CRLF3: variants seen among roughly 807,000 people sequenced by gnomAD.
The protein encoded by CRLF3 is cytokine receptor like factor 3.
In CRLF3, 33 loss-of-function variants were observed where a neutral mutation model predicts 55.0. The observed-to-expected ratio is 0.60, with a 90% CI of 0.46 to 0.80. CRLF3 has a LOEUF of 0.80. Ranked by LOEUF, CRLF3 falls within the 30% of genes least tolerant of loss-of-function variation. CRLF3 has a pLI of 0.00. For missense variants in CRLF3, 494 were observed against 538.4 expected (o/e 0.92, Z 0.82); for synonymous variants, 238 against 196.8 (o/e 1.21, Z -1.75).
At position 30,792,563 on chromosome 17, in the gene CRLF3, G is replaced by A. The variant is rs546555105; in HGVS notation, c.836C>T (p.Ala279Val). The part of the protein sequence containing the change: ...HSTLVPHEWT[A>V]GFEGYSLSSR... ...GCTCAGACTGTACCCCTCAAAACCA[G>A]CTGTCCACTCTTTTTCAAAGCAAAG... is the stretch of plus-strand genomic sequence containing the variant. Residue 279 changes from alanine (A) to valine (V), a missense_variant, in exon 6 of 8, where the codon GCT (alanine) becomes GTT (valine). Coordinates refer to ENST00000324238, the MANE Select transcript of CRLF3 (RefSeq NM_015986.4). 14 of 1,597,144 alleles carry A rather than the reference G, an allele frequency of 8.8e-6. No homozygotes were observed. The South Asian group carries it at 1.6e-4, about 18-fold the overall frequency.
At position 30,792,525 on chromosome 17, in the gene CRLF3, T is replaced by C. The variant is rs1396764048; in HGVS notation, c.874A>G (p.Ile292Val). The C allele has an allele frequency of 1.2e-6, 2 of 1,612,714 alleles. No homozygotes were observed. Among genetic ancestry groups the C allele is most frequent in the Non-Finnish European group, 1.7e-6 (2 of 1,178,870 alleles). Residue 292 changes from isoleucine to valine, a missense_variant, in exon 6 of 8, where the codon ATA (isoleucine) becomes GTA (valine). Physicochemically the swap from Ile to Val is conservative, Grantham distance 29. Coordinates refer to ENST00000324238, the MANE Select transcript of CRLF3 (RefSeq NM_015986.4). ...GATTCAGAATCGTTCCGAAGTGCTA[T>C]ATTTCTTCGACTGCTCAGACTGTAC... The part of the protein sequence containing the change: ...EGYSLSSRRN[I>V]ALRNDSESSG...
At chr17:30,811,430 G>C (rs1953684606) in intron 1 of CRLF3, among the ~76,000 whole-genome samples, 1 of 151,800 alleles carries the variant, frequency 6.6e-6, no homozygotes, top group Non-Finnish European at 1.5e-5. Flanking sequence ...CTCCAGCCCA[G>C]GTGAGAGAGC....
At chr17:30,797,940 ATT>A (rs561112215) in intron 2 of CRLF3, among the ~76,000 whole-genome samples, 14,312 of 124,510 alleles carry the variant, frequency 0.11, 599 homozygotes, top group South Asian at 0.23. Flanking sequence ...ATGCCCAGCT[ATT>A]TTTTTTTTTT....
At chr17:30,800,628 CTTGTTTTT>C (rs1335552550) in intron 2 of CRLF3, among the ~76,000 whole-genome samples, 2 of 151,328 alleles carry the variant, frequency 1.3e-5, no homozygotes. Flanking sequence ...AAAACTCTGT[CTTGTTTTT>C]TTGTTTTTAT....
At chr17:30,785,882 T>C (rs759992976) in intron 7 of CRLF3, 37 bp downstream of exon 7, 7 of 1,066,268 alleles carry the variant, frequency 6.6e-6, no homozygotes, top group Middle Eastern at 4.0e-4. Flanking sequence ...AAATAATTAA[T>C]ATATTTCCAA....
chr17:30,820,488 A>C (rs1299314471), intron 1 of CRLF3, among the ~76,000 whole-genome samples: 1 of 152,098 alleles, frequency 6.6e-6, no homozygotes, highest in African/African-American at 2.4e-5. Context: ...CAGGAGTTAG[A>C]AATCGGCCTG....
At chr17:30,815,787 G>A (rs1352763003) in intron 1 of CRLF3, among the ~76,000 whole-genome samples, 39 of 146,654 alleles carry the variant, frequency 2.7e-4, no homozygotes, top group Middle Eastern at 7.4e-3. Context: ...CAGGTGATCC[G>A]CCCGCCTTGG....
chr17:30,785,493 CT>C (rs1971621457), intron 7 of CRLF3, among the ~76,000 whole-genome samples: 1 of 152,008 alleles, frequency 6.6e-6, no homozygotes, highest in South Asian at 2.1e-4. Flanking sequence ...AAGACCAAAA[CT>C]TTCAGCCAGC....
intron 2 of CRLF3, among the ~76,000 whole-genome samples, chr17:30,802,213 C>T (rs997876578): frequency 1.3e-5 from 2 of 151,330 alleles, no homozygotes; most frequent in African/African-American, 2.4e-5. Flanking sequence ...ACCTCCGCCT[C>T]CCGGGTTCAA....
At chr17:30,809,778 G>T (rs2142267178) in intron 1 of CRLF3, 1 of 152,182 alleles carries the variant, frequency 6.6e-6, no homozygotes, top group Non-Finnish European at 1.5e-5. Context: ...AGCCTCCCAG[G>T]TAGCTGGGAC....
chr17:30,792,652 G>A, intron 5 of CRLF3, 80 bp from the exon 6 acceptor site: 3 of 1,296,580 alleles, frequency 2.3e-6, no homozygotes, highest in Non-Finnish European at 2.2e-6. Context: ...AATAAAACAT[G>A]GAAATGGGAG....
chr17:30,797,238 G>A, intron 3 of CRLF3, 73 bp downstream of exon 3: 1 of 1,039,594 alleles, frequency 9.6e-7, no homozygotes, highest in Non-Finnish European at 1.5e-6. Context: ...TGAGAATCTT[G>A]AACAGAGGGA....
chr17:30,822,074 A>C (rs1235773802), intron 1 of CRLF3, among the ~76,000 whole-genome samples: 1 of 151,582 alleles, frequency 6.6e-6, no homozygotes, highest in Non-Finnish European at 1.5e-5. Flanking sequence ...AAAAAAAAAA[A>C]AAAAAAAGAA....
At chr17:30,796,114 C>G in intron 4 of CRLF3, 46 bp downstream of exon 4, 1 of 1,397,392 alleles carries the variant, frequency 7.2e-7, no homozygotes, top group Non-Finnish European at 9.5e-7. Context: ...CTCCAAATCG[C>G]AAACCCATAA....
At position 30,793,561 on chromosome 17, in the gene CRLF3, T is replaced by C. The variant is rs1203409336; in HGVS notation, c.715A>G (p.Ile239Val). 6.2e-7 allele frequency: 1 copy of C among 1,614,160 alleles called. No individual in the cohort carries two copies. The change falls in exon 5 of 8, where the codon ATA becomes GTA. Residue 239 changes from isoleucine to valine, a missense_variant. Transcript: ENST00000324238. ...GSETEFIVLH[I>V]DPNVDYQFRV... ...AACTGGTAATCAACGTTGGGGTCTA[T>C]GTGCAATACTATGAATTCAGTTTCA... is the stretch of plus-strand genomic sequence containing the variant.
At position 30,813,867 on chromosome 17, in the gene CRLF3, A is replaced by C. The variant is rs144235371; in HGVS notation, c.130-9759T>G. Among the ~76,000 whole-genome samples, 58 of 152,118 alleles carry C rather than the reference A, an allele frequency of 3.8e-4. No homozygotes were observed. In the East Asian group the frequency reaches 9.1e-3, roughly 24 times the overall value. The stretch of plus-strand genomic sequence containing the variant: ...CCTCATTTTACACAGAAGGAAACTG[A>C]AGATTAGGAAAATTTAGTTTCTCAA... On this transcript the variant is annotated intron_variant, in intron 1 of 7. Coordinates refer to ENST00000324238, the MANE Select transcript of CRLF3 (RefSeq NM_015986.4).
intron 1 of CRLF3, among the ~76,000 whole-genome samples, chr17:30,809,083 G>A (rs922274441): frequency 6.6e-6 from 1 of 152,164 alleles, no homozygotes; most frequent in African/African-American, 2.4e-5. Flanking sequence ...GAAGTGCATT[G>A]GTTAGGTAAA....
intron 1 of CRLF3, among the ~76,000 whole-genome samples, chr17:30,810,230 C>T (rs928132850): frequency 6.6e-6 from 1 of 152,134 alleles, no homozygotes; most frequent in Non-Finnish European, 1.5e-5. Flanking sequence ...AAATAATCTG[C>T]CACTAAAACC....
intron 4 of CRLF3, among the ~76,000 whole-genome samples, chr17:30,793,932 G>C (rs960481490): frequency 6.6e-6 from 1 of 151,830 alleles, no homozygotes; most frequent in Non-Finnish European, 1.5e-5. Flanking sequence ...TCCACACCCC[G>C]GGTTCAAGCC....
Sources: allele counts gnomAD v4.1 joint callset (sites outside exome capture counted in the v4.1 genomes callset), GRCh38; gene constraint gnomAD v4.1.1; transcripts MANE v1.5; gene names NCBI Gene and HGNC (gene_info 2026-07-23, HGNC 2026-07-21).